ELF2: variants seen among roughly 807,000 people sequenced by gnomAD.
ELF2 encodes the protein E74 like ETS transcription factor 2, also known as ETS-related transcription factor Elf-2.
ELF2 carries 11 observed loss-of-function variants against 54.8 expected under a neutral mutation model. The observed-to-expected ratio is 0.20, with a 90% CI of 0.13 to 0.33. The LOEUF is 0.33. Among genes scored for constraint, ELF2 ranks in the 10% least tolerant of loss-of-function variants. The probability of loss-of-function intolerance (pLI) is 1.00; values close to 1 mark genes in which losing one functional copy is unlikely to be tolerated. For missense variants in ELF2, 513 were observed against 703.0 expected, an observed-to-expected ratio of 0.73 and a Z score of 3.06; for synonymous variants, 203 against 245.1, an observed-to-expected ratio of 0.83 and a Z score of 1.61.
chr4:139,129,490 T>C (rs556693258), intron 3 of ELF2, among the ~76,000 whole-genome samples: 51 of 152,338 alleles, frequency 3.3e-4, no homozygotes, highest in Non-Finnish European at 6.3e-4. Flanking sequence ...TTAACATCAC[T>C]ACAGGAATAC....
At chr4:139,083,379 A>C (rs1314528399) in intron 4 of ELF2, among the ~76,000 whole-genome samples, 2 of 152,032 alleles carry the variant, frequency 1.3e-5, no homozygotes, top group Non-Finnish European at 2.9e-5. Flanking sequence ...AAAACAACCC[A>C]CGAGGGAAGG....
At chr4:139,065,152 T>C (rs900800504) in intron 7 of ELF2, among the ~76,000 whole-genome samples, 5 of 152,178 alleles carry the variant, frequency 3.3e-5, no homozygotes, top group African/African-American at 1.2e-4. Flanking sequence ...ATGTTTTGAA[T>C]TAAACTCATC....
At chr4:139,170,250 C>T (rs1307802181) in intron 1 of ELF2, among the ~76,000 whole-genome samples, 2 of 142,780 alleles carry the variant, frequency 1.4e-5, no homozygotes, top group East Asian at 2.0e-4. Flanking sequence ...TTTAAAAGAT[C>T]TTAATCGCCT....
chr4:139,137,531 A>G, intron 3 of ELF2, 99 bp downstream of exon 3: 5 of 1,188,462 alleles, frequency 4.2e-6, no homozygotes, highest in Non-Finnish European at 3.7e-6. Context: ...CATGCTTTGT[A>G]CATTTTTACT....
chr4:139,115,931 T>A (rs1341668698), intron 4 of ELF2, among the ~76,000 whole-genome samples: 2 of 151,988 alleles, frequency 1.3e-5, no homozygotes, highest in East Asian at 3.9e-4. Context: ...AACCTCCACC[T>A]CCTGGGTTCA....
intron 3 of ELF2, 110 bp from the exon 4 acceptor site, chr4:139,125,439 A>G: frequency 2.4e-6 from 3 of 1,238,730 alleles, no homozygotes; most frequent in Non-Finnish European, 2.2e-6. Flanking sequence ...ATGAGTTTCA[A>G]ATATTATAAA....
intron 4 of ELF2, among the ~76,000 whole-genome samples, chr4:139,097,657 C>T (rs1477605001): frequency 6.6e-6 from 1 of 151,044 alleles, no homozygotes; most frequent in Non-Finnish European, 1.5e-5. Flanking sequence ...ATATGCAATG[C>T]TTTCAATGTT....
At chr4:139,144,521 G>A (rs551495371) in intron 1 of ELF2, among the ~76,000 whole-genome samples, 10 of 152,210 alleles carry the variant, frequency 6.6e-5, no homozygotes, top group Non-Finnish European at 1.3e-4. Flanking sequence ...CGGATGACTG[G>A]GAAGTAAGCT....
rs182497498 is a variant in ELF2, at chr4:139,099,046, G to A, written c.239-25479C>T. Among the ~76,000 whole-genome samples the A allele has an allele frequency of 3.6e-4, 55 of 152,170 alleles. 1 individual carries two copies. The East Asian group carries it at 8.5e-3, about 23-fold the overall frequency. On this transcript the variant is annotated intron_variant, in intron 4 of 9. Transcript: ENST00000686138. ...CCAAAGTTAGTATTTTGAAAGCTAC[G>A]TCTTCTATGTTCTGGATGTTTAAAA...
intron 4 of ELF2, among the ~76,000 whole-genome samples, chr4:139,074,775 AAAG>A (rs1730052996): frequency 6.6e-6 from 1 of 151,990 alleles, no homozygotes; most frequent in African/African-American, 2.4e-5. Flanking sequence ...AAAAAAACAA[AAAG>A]AAAATATTGC....
intron 4 of ELF2, chr4:139,084,116 A>C (rs551232680): frequency 1.2e-6 from 2 of 1,613,116 alleles, no homozygotes; most frequent in Admixed American, 3.3e-5. Context: ...ACGGGAGAAA[A>C]GTTCCCCTGT....
intron 1 of ELF2, among the ~76,000 whole-genome samples, chr4:139,156,390 A>G (rs1040971692): frequency 2.6e-5 from 4 of 152,136 alleles, no homozygotes. Flanking sequence ...CGTGTTAGCC[A>G]GGATGGTCTC....
intron 4 of ELF2, among the ~76,000 whole-genome samples, chr4:139,108,434 G>A (rs1011821443): frequency 9.9e-5 from 15 of 152,156 alleles, no homozygotes; most frequent in Admixed American, 8.5e-4. Flanking sequence ...TGTTATGGAA[G>A]CTTATTAAAA....
intron 4 of ELF2, among the ~76,000 whole-genome samples, chr4:139,113,733 T>C (rs1192997734): frequency 6.6e-6 from 1 of 151,472 alleles, no homozygotes; most frequent in Non-Finnish European, 1.5e-5. Context: ...TGGGCACCTG[T>C]AATCCCAGCT....
intron 4 of ELF2, 105 bp from the exon 5 acceptor site, chr4:139,073,672 T>C: frequency 2.0e-6 from 1 of 505,448 alleles, no homozygotes; most frequent in Non-Finnish European, 3.3e-6. Context: ...AAATGAAAAA[T>C]AAATAAATAT....
At chr4:139,132,952 C>A (rs1170835878) in intron 3 of ELF2, among the ~76,000 whole-genome samples, 1 of 149,392 alleles carries the variant, frequency 6.7e-6, no homozygotes. Flanking sequence ...AGTGCAGTGG[C>A]GCAATCTCTG....
At chr4:139,169,366 A>C (rs1318582444) in intron 1 of ELF2, among the ~76,000 whole-genome samples, 1 of 149,166 alleles carries the variant, frequency 6.7e-6, no homozygotes, top group East Asian at 1.9e-4. Context: ...AAAAAAAAAA[A>C]CTATCACAAA....
intron 4 of ELF2, among the ~76,000 whole-genome samples, chr4:139,124,694 A>G (rs1736734355): frequency 6.6e-6 from 1 of 152,206 alleles, no homozygotes; most frequent in African/African-American, 2.4e-5. Flanking sequence ...GACAAAAAGC[A>G]AAGAGGAAAC....
At chr4:139,177,591 C>T (rs72724749), upstream of ELF2, among the ~76,000 whole-genome samples, 33,998 of 151,990 alleles carry the variant, frequency 0.22, 3,888 homozygotes, top group Middle Eastern at 0.32. Flanking sequence ...CCCAGGGCTC[C>T]CCGATCTCGC....
Sources: allele counts gnomAD v4.1 joint callset (sites outside exome capture counted in the v4.1 genomes callset), GRCh38; gene constraint gnomAD v4.1.1; transcripts MANE v1.5; gene names NCBI Gene and HGNC (gene_info 2026-07-23, HGNC 2026-07-21).